The following KCNN2 variants were observed in gnomAD, a reference collection of about 807,000 sequenced individuals.
The protein encoded by KCNN2 is potassium calcium-activated channel subfamily N member 2.
Under a neutral mutation model 55.5 loss-of-function variants are expected in KCNN2, and 24 were observed. The observed-to-expected ratio is 0.43, with a 90% CI of 0.31 to 0.61. The LOEUF is 0.61. Among genes scored for constraint, KCNN2 ranks in the 20% least tolerant of loss-of-function variants. The probability of loss-of-function intolerance (pLI) is 0.08; values close to 1 mark genes in which losing one functional copy is unlikely to be tolerated. For missense variants in KCNN2, 754 were observed against 853.6 expected (o/e 0.88, Z 1.45); for synonymous variants, 431 against 336.1 (o/e 1.28, Z -3.09).
chr5:114,243,496 A>AT (rs72545102), intron 2 of KCNN2, among the ~76,000 whole-genome samples: 4 of 304 alleles, frequency 0.013, no homozygotes, highest in African/African-American at 0.044. Flanking sequence ...GCGTATCCAC[A>AT]CATCTATGCT....
chr5:114,227,313 C>T (rs1323480282), intron 2 of KCNN2, among the ~76,000 whole-genome samples: 1 of 152,126 alleles, frequency 6.6e-6, no homozygotes, highest in African/African-American at 2.4e-5. Context: ...AAAAATATAA[C>T]CTGTCAAGTT....
At chr5:114,085,836 A>G (rs1485075305) in intron 1 of KCNN2, among the ~76,000 whole-genome samples, 2 of 152,060 alleles carry the variant, frequency 1.3e-5, no homozygotes, top group Non-Finnish European at 2.9e-5. Flanking sequence ...TGAAACCTCT[A>G]GTAATAGTTA....
chr5:114,144,274 C>T (rs974897435), intron 1 of KCNN2, among the ~76,000 whole-genome samples: 2 of 152,096 alleles, frequency 1.3e-5, no homozygotes, highest in African/African-American at 4.8e-5. Context: ...ATTCTATCTC[C>T]CATCCATATA....
chr5:114,244,241 C>CTCCTAAGAGTAGCA (rs1754703636), intron 2 of KCNN2, among the ~76,000 whole-genome samples: 1 of 152,042 alleles, frequency 6.6e-6, no homozygotes, highest in Admixed American at 6.5e-5. Context: ...ACGCAGTAAA[C>CTCCTAAGAGTAGCA]AGACTCCTAA....
intron 3 of KCNN2, among the ~76,000 whole-genome samples, chr5:114,412,890 T>G (rs1483021673): frequency 6.6e-6 from 1 of 152,244 alleles, no homozygotes; most frequent in East Asian, 1.9e-4. Context: ...AGTTATTGGA[T>G]AATGAGATTA....
chr5:114,366,753 T>C (rs1397894134), intron 2 of KCNN2, among the ~76,000 whole-genome samples: 1 of 152,216 alleles, frequency 6.6e-6, no homozygotes, highest in Non-Finnish European at 1.5e-5. Context: ...ATATATGTTT[T>C]TTCATAAAAA....
intron 2 of KCNN2, among the ~76,000 whole-genome samples, chr5:114,355,638 G>C (rs1208295559): frequency 6.6e-6 from 1 of 152,174 alleles, no homozygotes; most frequent in East Asian, 1.9e-4. Flanking sequence ...GAAGCAGTGA[G>C]AGGACAAGTC....
intron 2 of KCNN2, among the ~76,000 whole-genome samples, chr5:114,337,812 A>C (rs1756947365): frequency 6.6e-6 from 1 of 152,174 alleles, no homozygotes. Context: ...CTTCGGTCCA[A>C]CTAGTTTTGT....
chr5:114,070,774 T>C (rs1208462739), intron 1 of KCNN2, among the ~76,000 whole-genome samples: 1 of 152,246 alleles, frequency 6.6e-6, no homozygotes, highest in East Asian at 1.9e-4. Context: ...GAGACAGGTC[T>C]GAATGCTTCC....
intron 2 of KCNN2, among the ~76,000 whole-genome samples, chr5:114,393,760 A>G (rs1451266445): frequency 6.6e-6 from 1 of 151,838 alleles, no homozygotes; most frequent in Non-Finnish European, 1.5e-5. Flanking sequence ...ATCTGCACAA[A>G]TAATAGCATG....
At chr5:114,217,532 A>G (rs1276925981) in intron 1 of KCNN2, among the ~76,000 whole-genome samples, 1 of 152,158 alleles carries the variant, frequency 6.6e-6, no homozygotes, top group African/African-American at 2.4e-5. Context: ...GTGGTGCTGT[A>G]GCAACTGGAC....
At chr5:114,230,553 G>A (rs1419510413) in intron 2 of KCNN2, among the ~76,000 whole-genome samples, 1 of 80,758 alleles carries the variant, frequency 1.2e-5, no homozygotes, top group Admixed American at 1.5e-4. Context: ...TTGTTCTTGC[G>A]ATAGTTTACT....
At chr5:114,302,922 A>G (rs1756196728) in intron 2 of KCNN2, among the ~76,000 whole-genome samples, 1 of 152,210 alleles carries the variant, frequency 6.6e-6, no homozygotes, top group African/African-American at 2.4e-5. Flanking sequence ...TTCAAATGTG[A>G]GAGAGAAAAC....
intron 2 of KCNN2, among the ~76,000 whole-genome samples, chr5:114,333,774 C>G (rs1167568059): frequency 9.9e-5 from 15 of 152,048 alleles, no homozygotes; most frequent in Admixed American, 9.8e-4. Context: ...TCAATAAATT[C>G]AACAAATTCA....
chr5:114,345,599 TCTAA>T (rs139929455), intron 2 of KCNN2, among the ~76,000 whole-genome samples: 3,149 of 152,268 alleles, frequency 0.021, 47 homozygotes, highest in Non-Finnish European at 0.028. Context: ...AAAGAACCGA[TCTAA>T]CTAACTTTGG....
At chr5:114,385,825 G>GT (rs376873236) in intron 2 of KCNN2, among the ~76,000 whole-genome samples, 5,177 of 147,414 alleles carry the variant, frequency 0.035, 112 homozygotes, top group African/African-American at 0.048. Context: ...AATTGTTCAG[G>GT]TTTTTTTTTT....
At chr5:114,090,444 T>A (rs766387299) in intron 1 of KCNN2, among the ~76,000 whole-genome samples, 96 of 152,118 alleles carry the variant, frequency 6.3e-4, no homozygotes, top group Non-Finnish European at 1.1e-3. Flanking sequence ...ATTGGAAGGC[T>A]GGACAAAATA....
chr5:114,311,435 A>G (rs1756389154), intron 2 of KCNN2, among the ~76,000 whole-genome samples: 1 of 152,160 alleles, frequency 6.6e-6, no homozygotes, highest in East Asian at 1.9e-4. Flanking sequence ...AAACGGCTGC[A>G]TTTGGCGACT....
At chr5:114,379,624 A>G (rs1174801696) in intron 2 of KCNN2, among the ~76,000 whole-genome samples, 1 of 96,168 alleles carries the variant, frequency 1.0e-5, no homozygotes, top group South Asian at 2.8e-4. Flanking sequence ...ATTATATAAC[A>G]TATTATATAT....
Sources: allele counts gnomAD v4.1 joint callset (sites outside exome capture counted in the v4.1 genomes callset), GRCh38; gene constraint gnomAD v4.1.1; transcripts MANE v1.5; gene names NCBI Gene and HGNC (gene_info 2026-07-23, HGNC 2026-07-21).